Variants in PDZRN3 observed in about 807,000 individuals in gnomAD.
PDZRN3 encodes the protein PDZ domain containing ring finger 3.
A neutral mutation model predicts 85.7 loss-of-function variants in PDZRN3; 38 were observed. The observed-to-expected ratio is 0.44, with a 90% confidence interval of 0.34 to 0.58. PDZRN3 has a LOEUF of 0.58. Among genes scored for constraint, PDZRN3 ranks in the 20% least tolerant of loss-of-function variants. The pLI, the probability that PDZRN3 is intolerant of heterozygous loss-of-function variation, is 0.01. For missense variants in PDZRN3, 1,629 were observed against 1,506.4 expected (o/e 1.08, Z -1.35); for synonymous variants, 759 against 638.0 (o/e 1.19, Z -2.86).
intron 3 of PDZRN3, among the ~76,000 whole-genome samples, chr3:73,565,578 C>G (rs914541647): frequency 9.2e-5 from 14 of 152,060 alleles, no homozygotes; most frequent in Admixed American, 1.3e-4. Flanking sequence ...CTTATTTCAC[C>G]TTCCACTACG....
intron 3 of PDZRN3, among the ~76,000 whole-genome samples, chr3:73,432,484 CCT>C (rs1349674101): frequency 6.6e-6 from 1 of 152,026 alleles, no homozygotes; most frequent in Non-Finnish European, 1.5e-5. Flanking sequence ...TTGTTTTGAC[CCT>C]CTCTCTGTCT....
chr3:73,614,426 T>C (rs1320611640), intron 1 of PDZRN3, among the ~76,000 whole-genome samples: 1 of 152,166 alleles, frequency 6.6e-6, no homozygotes, highest in Non-Finnish European at 1.5e-5. Flanking sequence ...CCACTGTCAA[T>C]GTGGACTCTT....
At chr3:73,404,015 A>G in intron 4 of PDZRN3, 133 bp downstream of exon 4, 1 of 773,748 alleles carries the variant, frequency 1.3e-6, no homozygotes. Context: ...GCCTCTATAA[A>G]CAATAAAGTT....
At chr3:73,563,253 T>C (rs1701873179) in intron 3 of PDZRN3, among the ~76,000 whole-genome samples, 1 of 150,914 alleles carries the variant, frequency 6.6e-6, no homozygotes, top group African/African-American at 2.4e-5. Context: ...GCCAGGATGG[T>C]CTCGATCTCC....
chr3:73,569,204 G>T (rs1001973273), intron 3 of PDZRN3: 1 of 1,289,236 alleles, frequency 7.8e-7, no homozygotes. Flanking sequence ...GGAGGAATCA[G>T]ATTTCTGAAG....
Position 73,383,615 on chromosome 3 carries a change from T to C in PDZRN3, c.2951A>G (p.Lys984Arg). 1 of 1,613,978 alleles carries C rather than the reference T, an allele frequency of 6.2e-7. No homozygotes were observed. Among genetic ancestry groups the C allele is most frequent in the Non-Finnish European group, 8.5e-7 (1 of 1,180,026 alleles). ...SKEERKQHLV[K>R]AKEQRRRREF... is the part of the protein sequence containing the mutation. ...GCGCCGCCGCCGCTGCTCCTTGGCCTTCACCAGGTGCTGCTTCCTCTCCTC... is the reference window on the plus strand; with the variant it reads ...GCGCCGCCGCCGCTGCTCCTTGGCCCTCACCAGGTGCTGCTTCCTCTCCTC... The change falls in exon 10 of 10, where the codon AAG becomes AGG. Residue 984 changes from lysine to arginine, a missense_variant. Physicochemically the swap from Lys to Arg is conservative, Grantham distance 26. Coordinates refer to ENST00000263666, the MANE Select transcript of PDZRN3 (RefSeq NM_015009.3).
At chr3:73,542,539 C>T (rs1701303633) in intron 3 of PDZRN3, among the ~76,000 whole-genome samples, 1 of 152,136 alleles carries the variant, frequency 6.6e-6, no homozygotes, top group Non-Finnish European at 1.5e-5. Context: ...TTTGGGAGGC[C>T]GAGGCAGGTG....
intron 8 of PDZRN3, 134 bp from the exon 9 acceptor site, chr3:73,385,919 C>CCAATGATTTGCTGTTAA: frequency 3.2e-6 from 2 of 625,016 alleles, no homozygotes; most frequent in Non-Finnish European, 5.7e-6. Context: ...TGCAGTCTGC[C>CCAATGATTTGCTGTTAA]CAATGATTTG....
At position 73,414,234 on chromosome 3, in the gene PDZRN3, G is replaced by A. The variant is rs765869533; in HGVS notation, c.919-9839C>T. 1.3e-4 allele frequency among the ~76,000 whole-genome samples: 20 copies of A among 152,280 alleles called. No individual in the cohort carries two copies. The South Asian group carries it at 4.1e-3, about 32-fold the overall frequency. Reference sequence around the variant, plus strand: ...TTTGAAAAATGCTATTGGACTTAATGTCCTATACTTTATTTGTTCCTCTTA... The same window carrying A: ...TTTGAAAAATGCTATTGGACTTAATATCCTATACTTTATTTGTTCCTCTTA... On this transcript the variant is annotated intron_variant, in intron 3 of 9. Coordinates refer to ENST00000263666, the MANE Select transcript of PDZRN3 (RefSeq NM_015009.3).
chr3:73,463,277 G>A (rs1439962548), intron 3 of PDZRN3, among the ~76,000 whole-genome samples: 1 of 152,176 alleles, frequency 6.6e-6, no homozygotes, highest in Non-Finnish European at 1.5e-5. Flanking sequence ...CTCTTAGGTG[G>A]AAGAAGCTAA....
chr3:73,391,150 A>G (rs1271690079), intron 5 of PDZRN3, 34 bp from the exon 6 acceptor site: 2 of 1,303,252 alleles, frequency 1.5e-6, no homozygotes. Context: ...GTGAGACTCC[A>G]GCAGGCAATG....
intron 3 of PDZRN3, among the ~76,000 whole-genome samples, chr3:73,471,360 C>G (rs982267866): frequency 2.0e-5 from 3 of 152,140 alleles, no homozygotes; most frequent in African/African-American, 7.2e-5. Context: ...GGGTTTCTAG[C>G]CTTCAGAACT....
chr3:73,465,247 G>A (rs914248265), intron 3 of PDZRN3, among the ~76,000 whole-genome samples: 2 of 152,156 alleles, frequency 1.3e-5, no homozygotes, highest in African/African-American at 4.8e-5. Context: ...AACAGCCAAT[G>A]GATGATGAAG....
chr3:73,424,189 A>G (rs1702259736), intron 3 of PDZRN3, among the ~76,000 whole-genome samples: 1 of 152,052 alleles, frequency 6.6e-6, no homozygotes, highest in South Asian at 2.1e-4. Context: ...GAAAAGGGAT[A>G]TATTTGACTT....
intron 3 of PDZRN3, among the ~76,000 whole-genome samples, chr3:73,439,294 G>C (rs1295429136): frequency 6.6e-6 from 1 of 152,238 alleles, no homozygotes; most frequent in African/African-American, 2.4e-5. Context: ...GTAGTGAGCA[G>C]ATGGACTATA....
chr3:73,584,465 G>A, intron 3 of PDZRN3, among the ~76,000 whole-genome samples: 1 of 63,248 alleles, frequency 1.6e-5, no homozygotes, highest in Admixed American at 1.7e-4. Context: ...GTGTGTGTGT[G>A]TGTGTGTGTG....
chr3:73,501,911 G>GA (rs1300808112), intron 3 of PDZRN3, among the ~76,000 whole-genome samples: 1 of 152,202 alleles, frequency 6.6e-6, no homozygotes, highest in African/African-American at 2.4e-5. Flanking sequence ...AGCTACTCAG[G>GA]AGGCTGAGGC....
rs747518866 is a variant in PDZRN3, at chr3:73,388,033, C to G, written c.1453G>C (p.Val485Leu). 5 of 1,577,354 alleles carry G rather than the reference C, an allele frequency of 3.2e-6. No homozygotes were observed. In the South Asian group the frequency reaches 3.4e-5, roughly 11 times the overall value. ...GIEVQNREEA[V>L]ALLTSEENKN... The stretch of plus-strand genomic sequence containing the variant: ...TTTTCTTCACTGGTTAGAAGAGCCA[C>G]AGCCTCTTCACGGTTCTGCACCTCT... The change falls in exon 8 of 10, where the codon GTG becomes CTG. Residue 485 changes from valine (V) to leucine (L), a missense_variant. Coordinates refer to ENST00000263666, the MANE Select transcript of PDZRN3 (RefSeq NM_015009.3).
chr3:73,489,575 C>CTTTT (rs371602592), intron 3 of PDZRN3, among the ~76,000 whole-genome samples: 10,153 of 80,012 alleles, frequency 0.13, 1,087 homozygotes, highest in South Asian at 0.32. Context: ...AGTTTCTTTT[C>CTTTT]TTTTTTTTTT....
Sources: gnomAD v4.1 joint callset for allele counts (sites outside exome capture counted in the v4.1 genomes callset) on GRCh38, gnomAD v4.1.1 for gene constraint, MANE v1.5 for transcripts, NCBI Gene and HGNC (gene_info 2026-07-23, HGNC 2026-07-21) for gene names.